Variants in KLK3 observed in about 807,000 individuals in gnomAD.
KLK3 encodes the protein prostate-specific antigen.
KLK3 carries 23 observed loss-of-function variants against 27.7 expected under a neutral mutation model. The observed-to-expected ratio is 0.83, with a 90% CI of 0.60 to 1.17. KLK3 has a LOEUF of 1.17. KLK3 is among the 50% of genes most tolerant of loss of function. The pLI is 0.00. For missense variants in KLK3, 322 were observed against 338.1 expected, an observed-to-expected ratio of 0.95 and a Z score of 0.37; for synonymous variants, 142 against 134.2, an observed-to-expected ratio of 1.06 and a Z score of -0.40.
chr19:50,860,241 T>G lies in KLK3; in HGVS notation c.*114T>G. ...TGTCCTTAGGTGTGAGGTCCAGGGT[T>G]GCTAGGAAAAGAAATCAGCAGACAC... On this transcript the variant is annotated 3_prime_UTR_variant, in exon 5 of 5. Transcript: ENST00000326003. The G allele has an allele frequency of 6.3e-6, 5 of 795,360 alleles. No individual in the cohort carries two copies. Among genetic ancestry groups the G allele is most frequent in the African/African-American group, 1.7e-5 (1 of 58,140 alleles). The allele number at this position is 795,360 out of a possible 1,614,324, so 49.3% of individuals were successfully genotyped here. A position where few individuals can be genotyped will look rare whatever the true frequency, so the allele number is the denominator to read the frequency against.
At chr19:50,856,180 C>T (rs2090145252) in intron 1 of KLK3, 60 bp from the exon 2 acceptor site, 1 of 1,479,504 alleles carries the variant, frequency 6.8e-7, no homozygotes, top group East Asian at 2.3e-5. Flanking sequence ...CATCTCCTAT[C>T]CGAGTCCCCC....
intron 2 of KLK3, 138 bp downstream of exon 2, chr19:50,856,537 G>C: frequency 9.1e-7 from 1 of 1,093,182 alleles, no homozygotes; most frequent in South Asian, 1.6e-5. Flanking sequence ...AGGTCACATG[G>C]GGAGGCAGGG....
chr19:50,857,157 C>T (rs1363042735), intron 2 of KLK3, among the ~76,000 whole-genome samples: 40 of 55,880 alleles, frequency 7.2e-4, no homozygotes, highest in East Asian at 2.5e-3. Context: ...AGTGAGACTC[C>T]GCCTCAAAAA....
chr19:50,857,873 CGTT>C (rs1019277003), intron 2 of KLK3, 153 bp from the exon 3 acceptor site: 35 of 693,708 alleles, frequency 5.0e-5, no homozygotes, highest in Admixed American at 2.7e-4. Flanking sequence ...TTTCCCAACT[CGTT>C]GTCTGTATTT....
In KLK3 at chr19:50,859,504, C is replaced by T. The variant is rs754964960; in HGVS notation, c.631-468C>T. The T allele has an allele frequency of 8.2e-6, 13 of 1,586,218 alleles. 1 individual carries two copies. In the South Asian group the frequency reaches 1.4e-4, roughly 18 times the overall value. ...GCTCCTGGCCCTCAGTCTCTCCCCT[C>T]CACTCCATTCTCCACCTACCCACAG... On this transcript the variant is annotated intron_variant, in intron 4 of 4. Coordinates refer to ENST00000326003, the MANE Select transcript of KLK3 (RefSeq NM_001648.2).
intron 1 of KLK3, chr19:50,855,373 C>T (rs1053972): frequency 0.26 from 65,943 of 258,464 alleles, 10,063 homozygotes; most frequent in East Asian, 0.44. Context: ...CACTGGTCCA[C>T]CTCCTGAGCC....
chr19:50,858,880 A>G (rs2090166625), intron 4 of KLK3: 1 of 538,930 alleles, frequency 1.9e-6, no homozygotes, highest in Admixed American at 3.3e-5. Flanking sequence ...ATAGCAGTGA[A>G]CAGACAGAGA....
chr19:50,859,378 A>G, intron 4 of KLK3: 2 of 592,468 alleles, frequency 3.4e-6, no homozygotes, highest in Non-Finnish European at 6.1e-6. Context: ...GACTGCAGGG[A>G]GGGAGGGCAG....
At chr19:50,859,819 C>T (rs2090173359) in intron 4 of KLK3, 153 bp from the exon 5 acceptor site, 2 of 1,476,500 alleles carry the variant, frequency 1.4e-6, no homozygotes, top group South Asian at 2.8e-5. Flanking sequence ...CCCTGCCCAC[C>T]TTCTTCTGGA....
In KLK3 at chr19:50,858,272, C is replaced by A; in HGVS notation, c.450C>A (p.Thr150=). 6.2e-7 allele frequency: 1 copy of A among 1,614,110 alleles called. No homozygotes were observed. Among genetic ancestry groups the A allele is most frequent in the Non-Finnish European group, 8.5e-7 (1 of 1,180,030 alleles). The change falls in exon 3 of 5, where the codon ACC becomes ACA. Residue 150 remains threonine (T), a synonymous_variant. Coordinates refer to ENST00000326003, the MANE Select transcript of KLK3 (RefSeq NM_001648.2). ...DLPTQEPALG[T]TCYASGWGSI... The stretch of plus-strand genomic sequence containing the variant: ...CCACCCAGGAGCCAGCACTGGGGAC[C>A]ACCTGCTACGCCTCAGGCTGGGGCA...
intron 4 of KLK3, chr19:50,859,435 C>A: frequency 1.0e-6 from 1 of 959,728 alleles, no homozygotes; most frequent in East Asian, 2.5e-5. Context: ...GGGGTGGCTC[C>A]AGGCATTGTC....
At chr19:50,856,911 CCAG>C (rs1313204147) in intron 2 of KLK3, among the ~76,000 whole-genome samples, 2 of 151,958 alleles carry the variant, frequency 1.3e-5, no homozygotes, top group Non-Finnish European at 2.9e-5. Context: ...ACCTGTAATC[CCAG>C]CACTTTGGGA....
chr19:50,858,480 A>G lies in KLK3; in HGVS notation c.515A>G (p.Gln172Arg). 1 of 1,614,198 alleles carries G rather than the reference A, an allele frequency of 6.2e-7. No individual in the cohort carries two copies. The highest frequency in any genetic ancestry group is 8.5e-7 in the Non-Finnish European group (1 of 1,180,026). ...GTAGTCTTGACCCCAAAGAAACTTCAGTGTGTGGACCTCCATGTTATTTCC... is the reference window on the plus strand; with the variant it reads ...GTAGTCTTGACCCCAAAGAAACTTCGGTGTGTGGACCTCCATGTTATTTCC... ...PEEFLTPKKL[Q>R]CVDLHVISND... The change falls in exon 4 of 5, where the codon CAG (glutamine) becomes CGG (arginine). Residue 172 changes from glutamine to arginine, a missense_variant. Physicochemically the swap from Gln to Arg is conservative, Grantham distance 43. Coordinates refer to ENST00000326003, the MANE Select transcript of KLK3 (RefSeq NM_001648.2).
chr19:50,858,755 T>A, intron 4 of KLK3, 160 bp downstream of exon 4: 2 of 737,714 alleles, frequency 2.7e-6, no homozygotes, highest in African/African-American at 1.8e-5. Flanking sequence ...TTCCCTCTTC[T>A]TTGACTCCCT....
intron 2 of KLK3, 32 bp downstream of exon 2, chr19:50,856,431 T>G (rs1213417330): frequency 6.2e-7 from 1 of 1,606,112 alleles, no homozygotes; most frequent in African/African-American, 1.3e-5. Context: ...GGGGAGCAGG[T>G]GTCTGTGTCC....
intron 2 of KLK3, chr19:50,856,668 C>G: frequency 2.3e-6 from 1 of 429,506 alleles, no homozygotes; most frequent in Non-Finnish European, 4.1e-6. Flanking sequence ...CTCCGTGTGA[C>G]TATTTTGTTC....
At chr19:50,855,528 A>C (rs921235613) in intron 1 of KLK3, 1 of 157,016 alleles carries the variant, frequency 6.4e-6, no homozygotes, top group South Asian at 1.9e-4. Context: ...TAGCCAGGCT[A>C]TCTGGCCTGA....
At chr19:50,858,625 G>A (rs1299978881) in intron 4 of KLK3, 30 bp downstream of exon 4, 1 of 1,613,360 alleles carries the variant, frequency 6.2e-7, no homozygotes, top group Non-Finnish European at 8.5e-7. Flanking sequence ...AAGATCTTGA[G>A]GGGAAAGGTG....
chr19:50,858,517 T>C lies in KLK3; in HGVS notation c.552T>C (p.Cys184=), dbSNP rs1238555562. 6.2e-7 allele frequency: 1 copy of C among 1,614,214 alleles called. No homozygotes were observed. Among genetic ancestry groups the C allele is most frequent in the South Asian group, 1.1e-5 (1 of 91,078 alleles). ...VDLHVISNDV[C]AQVHPQKVTK... ...TCCATGTTATTTCCAATGACGTGTG[T>C]GCGCAAGTTCACCCTCAGAAGGTGA... Residue 184 remains cysteine (C), a synonymous_variant, in exon 4 of 5, where the codon TGT becomes TGC. Transcript: ENST00000326003.
Sources: gnomAD v4.1 joint callset for allele counts (sites outside exome capture counted in the v4.1 genomes callset) on GRCh38, gnomAD v4.1.1 for gene constraint, MANE v1.5 for transcripts, NCBI Gene and HGNC (gene_info 2026-07-23, HGNC 2026-07-21) for gene names.